The following SLC16A2 variants were observed in gnomAD, a reference collection of about 807,000 sequenced individuals.
SLC16A2 encodes monocarboxylate transporter 8.
Under a neutral mutation model 27.2 loss-of-function variants are expected in SLC16A2, and 3 were observed. That is an observed-to-expected ratio of 0.11 (90% CI 0.05 to 0.28). The LOEUF (loss-of-function observed/expected upper bound fraction) is 0.28. Among genes scored for constraint, SLC16A2 ranks in the 10% least tolerant of loss-of-function variants. The pLI is 1.00. For missense variants in SLC16A2, 295 were observed against 458.5 expected (o/e 0.64, Z 3.26); for synonymous variants, 202 against 187.8 (o/e 1.08, Z -0.62).
chrX:74,445,404 A>G (rs777810121), intron 1 of SLC16A2, among the ~76,000 whole-genome samples: 15 of 110,126 alleles, frequency 1.4e-4, no homozygotes, highest in Non-Finnish European at 2.7e-4. Flanking sequence ...TGTTCCTGCA[A>G]GAAGACTTAT....
intron 1 of SLC16A2, among the ~76,000 whole-genome samples, chrX:74,424,557 G>A (rs1421806864): frequency 8.9e-6 from 1 of 112,170 alleles, no homozygotes; most frequent in Non-Finnish European, 1.9e-5. Flanking sequence ...GATAGAAGAA[G>A]CTAATAGAAG....
At chrX:74,504,191 G>A (rs968623010) in intron 1 of SLC16A2, among the ~76,000 whole-genome samples, 1 of 111,868 alleles carries the variant, frequency 8.9e-6, no homozygotes, top group Non-Finnish European at 1.9e-5. Context: ...CAGAGGTGAG[G>A]TGAGATTGAC....
chrX:74,471,024 T>C (rs1014637840), intron 1 of SLC16A2, among the ~76,000 whole-genome samples: 1 of 112,652 alleles, frequency 8.9e-6, no homozygotes, highest in Non-Finnish European at 1.9e-5. Flanking sequence ...TTATCAGATA[T>C]GTCATTTGCA....
intron 1 of SLC16A2, among the ~76,000 whole-genome samples, chrX:74,479,516 A>G (rs968223320): frequency 3.0e-4 from 34 of 112,260 alleles, no homozygotes; most frequent in Non-Finnish European, 4.3e-4. Context: ...GCTTTGTTCC[A>G]TTGCTGGTGA....
At chrX:74,499,960 G>C (rs1930000978) in intron 1 of SLC16A2, among the ~76,000 whole-genome samples, 1 of 110,912 alleles carries the variant, frequency 9.0e-6, no homozygotes, top group East Asian at 2.8e-4. Context: ...TCACAGGACT[G>C]GTATCTTACA....
chrX:74,443,469 G>A (rs1602109114), intron 1 of SLC16A2, among the ~76,000 whole-genome samples: 1 of 111,778 alleles, frequency 8.9e-6, no homozygotes, highest in Non-Finnish European at 1.9e-5. Flanking sequence ...CATGTGTGGT[G>A]CAGAAAAAGA....
rs1569283406 is a variant in SLC16A2, at chrX:74,432,734, T to C, written c.430+10667T>C. ...AGTAGATGCTTATAGTAGAGCTTGG[T>C]TTGTCAGAGGACTGGGGAATAAGCG... On this transcript the variant is annotated intron_variant, in intron 1 of 5. Coordinates refer to ENST00000587091, the MANE Select transcript of SLC16A2 (RefSeq NM_006517.5). Among the ~76,000 whole-genome samples the C allele has an allele frequency of 2.7e-5, 3 of 111,670 alleles. No individual in the cohort carries two copies. The South Asian group carries it at 1.1e-3, about 42-fold the overall frequency.
At chrX:74,487,004 C>T (rs903978896) in intron 1 of SLC16A2, among the ~76,000 whole-genome samples, 14 of 112,067 alleles carry the variant, frequency 1.2e-4, no homozygotes, top group Admixed American at 1.0e-3. Context: ...CATGCTACTA[C>T]GTTACATAAA....
intron 1 of SLC16A2, among the ~76,000 whole-genome samples, chrX:74,467,335 G>A (rs1929270465): frequency 9.0e-6 from 1 of 111,554 alleles, no homozygotes; most frequent in Non-Finnish European, 1.9e-5. Context: ...TAAGGCTAAG[G>A]GGGGGCTTCT....
At chrX:74,490,608 C>G (rs1430632820) in intron 1 of SLC16A2, among the ~76,000 whole-genome samples, 1 of 110,951 alleles carries the variant, frequency 9.0e-6, no homozygotes, top group African/African-American at 3.3e-5. Flanking sequence ...TTGGGGGTTC[C>G]CTGTAGGGCC....
At chrX:74,497,148 A>G (rs1346508661) in intron 1 of SLC16A2, among the ~76,000 whole-genome samples, 1 of 111,846 alleles carries the variant, frequency 8.9e-6, no homozygotes, top group African/African-American at 3.3e-5. Context: ...ATTTGGGCAG[A>G]TAAACAAAAA....
At chrX:74,501,062 T>G (rs1348646131) in intron 1 of SLC16A2, among the ~76,000 whole-genome samples, 1 of 107,395 alleles carries the variant, frequency 9.3e-6, no homozygotes, top group South Asian at 4.7e-4. Flanking sequence ...AAAACTGCAA[T>G]TACTTTTGCA....
intron 1 of SLC16A2, among the ~76,000 whole-genome samples, chrX:74,457,645 C>T (rs1025672591): frequency 2.7e-5 from 3 of 111,651 alleles, no homozygotes; most frequent in African/African-American, 9.8e-5. Flanking sequence ...TAGGCACAAA[C>T]AATTTGTCCC....
intron 1 of SLC16A2, among the ~76,000 whole-genome samples, chrX:74,443,863 C>A (rs935215183): frequency 1.8e-5 from 2 of 111,480 alleles, no homozygotes; most frequent in African/African-American, 6.5e-5. Context: ...TCCCTGCCCG[C>A]CCCATCATAC....
At chrX:74,477,429 C>G (rs1459900290) in intron 1 of SLC16A2, among the ~76,000 whole-genome samples, 2 of 111,412 alleles carry the variant, frequency 1.8e-5, no homozygotes, top group African/African-American at 6.5e-5. Flanking sequence ...TTCAAAAAAC[C>G]AGCTCCTGGA....
intron 1 of SLC16A2, among the ~76,000 whole-genome samples, chrX:74,483,867 C>G (rs1295571195): frequency 1.8e-5 from 2 of 111,046 alleles, no homozygotes; most frequent in African/African-American, 6.6e-5. Flanking sequence ...TCCATTTTAC[C>G]AATGGGAGCT....
chrX:74,457,676 G>A (rs1407405830), intron 1 of SLC16A2, among the ~76,000 whole-genome samples: 1 of 111,212 alleles, frequency 9.0e-6, no homozygotes, highest in African/African-American at 3.3e-5. Flanking sequence ...TTTTTGGGGA[G>A]ACACACACAC....
intron 1 of SLC16A2, among the ~76,000 whole-genome samples, chrX:74,464,472 C>A (rs913882743): frequency 2.7e-5 from 3 of 111,699 alleles, no homozygotes; most frequent in Non-Finnish European, 5.6e-5. Flanking sequence ...TTTCTGAAAG[C>A]CTTTGTAGGA....
At chrX:74,525,642 C>T (rs764080248) in intron 3 of SLC16A2, 108 bp from the exon 4 acceptor site, 19 of 944,989 alleles carry the variant, frequency 2.0e-5, no homozygotes, top group African/African-American at 3.8e-5. Context: ...GGGTTTCTGT[C>T]CTGCTCCAGG....
Sources: gnomAD v4.1 joint callset for allele counts (sites outside exome capture counted in the v4.1 genomes callset) on GRCh38, gnomAD v4.1.1 for gene constraint, MANE v1.5 for transcripts, NCBI Gene and HGNC (gene_info 2026-07-23, HGNC 2026-07-21) for gene names.